The following ADCY2 variants were observed in gnomAD, a reference collection of about 807,000 sequenced individuals.
The protein encoded by ADCY2 is adenylate cyclase 2.
In ADCY2, 31 loss-of-function variants were observed where a neutral mutation model predicts 125.2. That is an observed-to-expected ratio of 0.25 (90% CI 0.19 to 0.33). The LOEUF (loss-of-function observed/expected upper bound fraction) is 0.33. Among genes scored for constraint, ADCY2 ranks in the 10% least tolerant of loss-of-function variants. The pLI is 1.00. For missense variants in ADCY2, 904 were observed against 1,418.2 expected (o/e 0.64, Z 5.82); for synonymous variants, 512 against 548.4 (o/e 0.93, Z 0.93).
chr5:7,628,436 A>T (rs913931978), intron 4 of ADCY2, among the ~76,000 whole-genome samples: 1 of 152,160 alleles, frequency 6.6e-6, no homozygotes, highest in African/African-American at 2.4e-5. Context: ...CTGAAAGCAC[A>T]TGGCATCCCT....
In ADCY2 at chr5:7,478,798, A is replaced by G. The variant is rs114002378; in HGVS notation, c.409-41940A>G. 3.9e-5 allele frequency among the ~76,000 whole-genome samples: 6 copies of G among 152,268 alleles called. No individual in the cohort carries two copies. In the East Asian group the frequency reaches 9.6e-4, roughly 24 times the overall value. On this transcript the variant is annotated intron_variant, in intron 2 of 24. Transcript: ENST00000338316. The stretch of plus-strand genomic sequence containing the variant: ...AGGGATGATAGATTTTACATTATGT[A>G]TTGGAGTCATAGTAAAACACTAATC...
chr5:7,436,792 G>C (rs1324044639), intron 2 of ADCY2, among the ~76,000 whole-genome samples: 1 of 152,228 alleles, frequency 6.6e-6, no homozygotes, highest in African/African-American at 2.4e-5. Context: ...GGCGTGTGCA[G>C]CCTGTTTGGG....
chr5:7,719,215 TGTTTA>T (rs1475663782), intron 12 of ADCY2, among the ~76,000 whole-genome samples: 1 of 152,220 alleles, frequency 6.6e-6, no homozygotes, highest in Non-Finnish European at 1.5e-5. Context: ...TGCAAATATA[TGTTTA>T]GTTAATACCT....
intron 8 of ADCY2, 122 bp downstream of exon 8, chr5:7,707,024 T>A: frequency 1.5e-6 from 2 of 1,296,916 alleles, no homozygotes; most frequent in Non-Finnish European, 2.1e-6. Flanking sequence ...TGGTATCATG[T>A]TACTCACGCC....
intron 16 of ADCY2, among the ~76,000 whole-genome samples, chr5:7,760,489 G>A (rs1743160385): frequency 6.6e-6 from 1 of 152,222 alleles, no homozygotes; most frequent in Admixed American, 6.5e-5. Flanking sequence ...TGGCCCGTCA[G>A]GAGTGTGTTC....
At chr5:7,498,450 G>A (rs778936021) in intron 2 of ADCY2, among the ~76,000 whole-genome samples, 3 of 151,656 alleles carry the variant, frequency 2.0e-5, no homozygotes, top group Non-Finnish European at 2.9e-5. Flanking sequence ...GGGTTTCACC[G>A]TGTTAACCAG....
chr5:7,661,247 CA>C (rs2126693329), intron 4 of ADCY2, among the ~76,000 whole-genome samples: 1 of 152,144 alleles, frequency 6.6e-6, no homozygotes, highest in East Asian at 1.9e-4. Context: ...TTATAAATCA[CA>C]AGTTAAAATT....
chr5:7,722,584 G>A (rs1741793852), intron 12 of ADCY2, among the ~76,000 whole-genome samples: 1 of 151,914 alleles, frequency 6.6e-6, no homozygotes, highest in South Asian at 2.1e-4. Context: ...TTCTGCAGCT[G>A]GTACAGTAAT....
At chr5:7,565,767 G>A (rs962786336) in intron 3 of ADCY2, among the ~76,000 whole-genome samples, 3 of 152,156 alleles carry the variant, frequency 2.0e-5, no homozygotes, top group African/African-American at 7.2e-5. Flanking sequence ...TGGTTCTGGG[G>A]GATGGCCATA....
rs113690629 is a variant in ADCY2, at chr5:7,827,003, G to A, written c.*132G>A. The A allele has an allele frequency of 1.2e-4, 135 of 1,099,116 alleles. No homozygotes were observed. The highest frequency in any genetic ancestry group is 3.0e-4 in the Middle Eastern group (1 of 3,370). 68.1% of individuals were successfully genotyped at this position (1,099,116 alleles called of 1,614,324 possible). ...ATGGAGCCTCTGCAGACTCGTTCTC[G>A]TGACCCAGTGGCATACCGTTTGGTG... On this transcript the variant is annotated 3_prime_UTR_variant, in exon 25 of 25. Coordinates refer to ENST00000338316, the MANE Select transcript of ADCY2 (RefSeq NM_020546.3).
chr5:7,768,692 A>G (rs1360576051), intron 17 of ADCY2, among the ~76,000 whole-genome samples: 1 of 152,244 alleles, frequency 6.6e-6, no homozygotes, highest in East Asian at 1.9e-4. Flanking sequence ...AAAATTATTA[A>G]AAACTTAAAG....
chr5:7,457,996 A>G (rs1248780956), intron 2 of ADCY2, among the ~76,000 whole-genome samples: 2 of 152,302 alleles, frequency 1.3e-5, no homozygotes, highest in East Asian at 3.9e-4. Flanking sequence ...TTGGCCCTGG[A>G]TTTCCTGTAT....
chr5:7,643,408 C>T (rs1392088715), intron 4 of ADCY2, among the ~76,000 whole-genome samples: 5 of 152,016 alleles, frequency 3.3e-5, no homozygotes, highest in Admixed American at 3.3e-4. Flanking sequence ...ATTACTCTTC[C>T]ACAAACTACA....
At chr5:7,589,333 T>A (rs1347225340) in intron 3 of ADCY2, among the ~76,000 whole-genome samples, 1 of 113,298 alleles carries the variant, frequency 8.8e-6, no homozygotes, top group Non-Finnish European at 1.8e-5. Context: ...AAAATATGCA[T>A]AGACAAAGTA....
chr5:7,743,853 C>T (rs73045462), intron 15 of ADCY2, 101 bp downstream of exon 15: 31,133 of 1,104,544 alleles, frequency 0.028, 1,281 homozygotes, highest in African/African-American at 0.17. Flanking sequence ...ATTGCTTTAC[C>T]ACTTCAAGAA....
At chr5:7,497,020 A>T (rs1743367924) in intron 2 of ADCY2, among the ~76,000 whole-genome samples, 1 of 152,190 alleles carries the variant, frequency 6.6e-6, no homozygotes, top group Non-Finnish European at 1.5e-5. Context: ...AATTGTTCAG[A>T]ATTTCTTGAA....
chr5:7,575,813 C>A (rs986305611), intron 3 of ADCY2, among the ~76,000 whole-genome samples: 16 of 152,082 alleles, frequency 1.1e-4, no homozygotes, highest in African/African-American at 2.4e-4. Flanking sequence ...CTAAAAAAAA[C>A]CCCTATAATT....
chr5:7,770,290 A>G (rs1277663902), intron 17 of ADCY2, among the ~76,000 whole-genome samples: 1 of 152,214 alleles, frequency 6.6e-6, no homozygotes, highest in East Asian at 1.9e-4. Context: ...TCAAACTGTG[A>G]AAAACTTTAA....
chr5:7,555,879 CACACAG>C lies in ADCY2; in HGVS notation c.570+34984_570+34989del, dbSNP rs1296969188. Among the ~76,000 whole-genome samples the C allele has an allele frequency of 1.1e-4, 16 of 150,680 alleles. No homozygotes were observed. In the East Asian group the frequency reaches 2.9e-3, roughly 27 times the overall value. ...GCACACACACACACACACACACACA[CACACAG>C]ACATGATTCTTGGGTGATAAACAAT... On this transcript the variant is annotated intron_variant, in intron 3 of 24. Transcript: ENST00000338316.
Sources: gnomAD v4.1 joint callset for allele counts (sites outside exome capture counted in the v4.1 genomes callset) on GRCh38, gnomAD v4.1.1 for gene constraint, MANE v1.5 for transcripts, NCBI Gene and HGNC (gene_info 2026-07-23, HGNC 2026-07-21) for gene names.